Variants in CEP85L observed in about 807,000 individuals in gnomAD.
CEP85L encodes the protein centrosomal protein of 85 kDa-like.
A neutral mutation model predicts 100.3 loss-of-function variants in CEP85L; 60 were observed. The ratio of observed to expected loss-of-function variants is 0.60; its 90% CI spans 0.49 to 0.74. The LOEUF (loss-of-function observed/expected upper bound fraction) is 0.74, where lower values mean the gene tolerates loss of function less well. Ranked by LOEUF, CEP85L falls within the 30% of genes least tolerant of loss-of-function variation. CEP85L has a pLI of 0.00. For missense variants in CEP85L, 973 were observed against 936.2 expected (o/e 1.04, Z -0.51); for synonymous variants, 319 against 322.7 (o/e 0.99, Z 0.12).
chr6:118,486,751 C>T (rs889299808), intron 6 of CEP85L, among the ~76,000 whole-genome samples: 6 of 152,262 alleles, frequency 3.9e-5, no homozygotes, highest in East Asian at 1.9e-4. Context: ...ACAGAAGCTA[C>T]TCCTCTTCTT....
intron 2 of CEP85L, among the ~76,000 whole-genome samples, chr6:118,609,894 C>T (rs1281679236): frequency 6.6e-6 from 1 of 151,790 alleles, no homozygotes. Flanking sequence ...AATAGGCAAA[C>T]CCAAAATAAA....
intron 1 of CEP85L, among the ~76,000 whole-genome samples, chr6:118,703,587 T>C (rs977629818): frequency 5.3e-5 from 8 of 152,210 alleles, no homozygotes; most frequent in African/African-American, 1.9e-4. Flanking sequence ...ATAATCTCTA[T>C]GGGAGTGAAA....
intron 1 of CEP85L, among the ~76,000 whole-genome samples, chr6:118,684,135 A>T (rs372433970): frequency 1.3e-5 from 2 of 152,216 alleles, no homozygotes; most frequent in Admixed American, 6.5e-5. Flanking sequence ...CAACCTATTT[A>T]AAAAATAGCG....
chr6:118,617,258 T>C (rs901353173), intron 2 of CEP85L, among the ~76,000 whole-genome samples: 1 of 152,126 alleles, frequency 6.6e-6, no homozygotes, highest in Non-Finnish European at 1.5e-5. Flanking sequence ...GATTTACTTA[T>C]ATGTTTTCTT....
chr6:118,518,311 G>A (rs1169685343), intron 4 of CEP85L, among the ~76,000 whole-genome samples: 1 of 152,120 alleles, frequency 6.6e-6, no homozygotes, highest in Non-Finnish European at 1.5e-5. Flanking sequence ...AATGATACCA[G>A]CTCCTCTTTG....
chr6:118,555,474 A>T (rs938788137), intron 3 of CEP85L, among the ~76,000 whole-genome samples: 3 of 151,574 alleles, frequency 2.0e-5, no homozygotes, highest in African/African-American at 7.3e-5. Flanking sequence ...AAATCTTCCC[A>T]TAATTTTCCA....
At chr6:118,670,726 G>A (rs1000555693) in intron 1 of CEP85L, among the ~76,000 whole-genome samples, 1 of 152,106 alleles carries the variant, frequency 6.6e-6, no homozygotes, top group Non-Finnish European at 1.5e-5. Flanking sequence ...TGGTTATGTG[G>A]TACTATTGCA....
chr6:118,648,044 A>G (rs1323229597), intron 1 of CEP85L, among the ~76,000 whole-genome samples: 1 of 151,794 alleles, frequency 6.6e-6, no homozygotes, highest in African/African-American at 2.4e-5. Context: ...ACTTGAGGCC[A>G]GGAGTTCGCG....
intron 10 of CEP85L, among the ~76,000 whole-genome samples, chr6:118,476,590 A>T (rs1582867572): frequency 6.6e-6 from 1 of 152,316 alleles, no homozygotes; most frequent in Non-Finnish European, 1.5e-5. Context: ...CCATTTTCCC[A>T]CTATTTCTAC....
At chr6:118,508,301 G>A (rs1180275234) in intron 5 of CEP85L, among the ~76,000 whole-genome samples, 3 of 152,034 alleles carry the variant, frequency 2.0e-5, no homozygotes, top group African/African-American at 7.2e-5. Flanking sequence ...AAGAAATGAT[G>A]CAACAATGAA....
At chr6:118,606,361 A>T (rs942627373) in intron 2 of CEP85L, among the ~76,000 whole-genome samples, 4 of 152,250 alleles carry the variant, frequency 2.6e-5, no homozygotes, top group African/African-American at 7.2e-5. Flanking sequence ...CAGATATTAA[A>T]CCACAGAAAT....
chr6:118,651,438 G>A lies in CEP85L; in HGVS notation c.-169C>T, dbSNP rs1583227678. On this transcript the variant is annotated 5_prime_UTR_variant, in exon 1 of 13. Coordinates refer to ENST00000368491, the MANE Select transcript of CEP85L (RefSeq NM_001042475.3). ...TCAGCTACGGGCGGGGAGCGCAGGG[G>A]CCAGATTCGCCGCACTGCCGGCGCC... The A allele has an allele frequency of 7.5e-7, 1 of 1,327,698 alleles. No homozygotes were observed. The highest frequency in any genetic ancestry group is 9.6e-7 in the Non-Finnish European group (1 of 1,042,748). The allele number at this position is 1,327,698 out of a possible 1,614,324, so 82.2% of individuals were successfully genotyped here.
At chr6:118,627,371 T>A (rs1002399620) in intron 2 of CEP85L, among the ~76,000 whole-genome samples, 1 of 152,140 alleles carries the variant, frequency 6.6e-6, no homozygotes, top group Admixed American at 6.5e-5. Context: ...GTGAGAAGCC[T>A]GAAAGTCATT....
intron 2 of CEP85L, among the ~76,000 whole-genome samples, chr6:118,574,409 G>C (rs1025469224): frequency 1.3e-5 from 2 of 152,214 alleles, no homozygotes; most frequent in African/African-American, 2.4e-5. Flanking sequence ...TCTTGCGATC[G>C]TTACTGACGC....
chr6:118,566,458 C>T, intron 2 of CEP85L, 142 bp from the exon 3 acceptor site: 2 of 750,134 alleles, frequency 2.7e-6, no homozygotes, highest in South Asian at 3.8e-5. Flanking sequence ...TAGCTTGTTG[C>T]CTAGGCTGGA....
intron 6 of CEP85L, 92 bp downstream of exon 6, chr6:118,491,594 T>A (rs1774576466): frequency 6.6e-7 from 1 of 1,508,070 alleles, no homozygotes; most frequent in Non-Finnish European, 8.8e-7. Context: ...ATACATAACC[T>A]GGCATGACAC....
intron 3 of CEP85L, among the ~76,000 whole-genome samples, chr6:118,555,836 G>T (rs1462235837): frequency 6.7e-6 from 1 of 149,184 alleles, no homozygotes; most frequent in Middle Eastern, 3.2e-3. Flanking sequence ...AGCGTCTGTT[G>T]TTTCCTTCTT....
intron 5 of CEP85L, among the ~76,000 whole-genome samples, chr6:118,510,505 A>G (rs896723294): frequency 6.3e-4 from 96 of 152,202 alleles, no homozygotes; most frequent in African/African-American, 2.2e-3. Context: ...TTAAAACCAT[A>G]TGACCATAAG....
chr6:118,468,894 T>C (rs1257427100), intron 12 of CEP85L, among the ~76,000 whole-genome samples, 178 bp downstream of exon 12: 1 of 152,194 alleles, frequency 6.6e-6, no homozygotes, highest in Non-Finnish European at 1.5e-5. Context: ...TAATGTCAGC[T>C]ATAACCCTAC....
Sources: gnomAD v4.1 joint callset for allele counts (sites outside exome capture counted in the v4.1 genomes callset) on GRCh38, gnomAD v4.1.1 for gene constraint, MANE v1.5 for transcripts, NCBI Gene and HGNC (gene_info 2026-07-23, HGNC 2026-07-21) for gene names.